Variants in AOAH observed in about 807,000 individuals in gnomAD.
The protein encoded by AOAH is acyloxyacyl hydrolase, also known as acyloxyacyl hydrolase (neutrophil).
Under a neutral mutation model 92.2 loss-of-function variants are expected in AOAH, and 64 were observed. That is an observed-to-expected ratio of 0.69 (90% CI 0.57 to 0.86). The LOEUF (loss-of-function observed/expected upper bound fraction) is 0.86, where lower values mean the gene tolerates loss of function less well. Among genes scored for constraint, AOAH ranks in the 40% least tolerant of loss-of-function variants. The pLI is 0.00. For missense variants in AOAH, 656 were observed against 694.6 expected (o/e 0.94, Z 0.62); for synonymous variants, 263 against 254.5 (o/e 1.03, Z -0.32).
intron 20 of AOAH, among the ~76,000 whole-genome samples, chr7:36,519,062 G>A (rs1783973867): frequency 6.6e-6 from 1 of 152,052 alleles, no homozygotes; most frequent in South Asian, 2.1e-4. Context: ...TCTCTGGACT[G>A]GTTCCCTACC....
intron 19 of AOAH, among the ~76,000 whole-genome samples, chr7:36,523,944 T>C (rs1468938259): frequency 2.0e-5 from 3 of 152,128 alleles, no homozygotes; most frequent in African/African-American, 7.2e-5. Flanking sequence ...TTATGGTCTT[T>C]GTCCCATCTC....
intron 4 of AOAH, among the ~76,000 whole-genome samples, chr7:36,648,038 G>A (rs1794337528): frequency 6.6e-6 from 1 of 151,984 alleles, no homozygotes; most frequent in African/African-American, 2.4e-5. Flanking sequence ...CACCATGTTG[G>A]CCAGGCTGGT....
At chr7:36,659,080 G>T in intron 4 of AOAH, 86 bp downstream of exon 4, 2 of 1,087,124 alleles carry the variant, frequency 1.8e-6, no homozygotes, top group Non-Finnish European at 2.9e-6. Context: ...AACACTGAGC[G>T]AGTAAAAGCT....
chr7:36,629,845 G>A (rs146480572), intron 6 of AOAH, among the ~76,000 whole-genome samples: 3 of 152,270 alleles, frequency 2.0e-5, no homozygotes, highest in Non-Finnish European at 2.9e-5. Context: ...GTTAGGGGTT[G>A]AATTGTGTTC....
At chr7:36,644,429 C>T (rs1373299993) in intron 4 of AOAH, among the ~76,000 whole-genome samples, 1 of 152,030 alleles carries the variant, frequency 6.6e-6, no homozygotes, top group Non-Finnish European at 1.5e-5. Flanking sequence ...GGCTTTGGGC[C>T]GCTTTGTGGG....
intron 1 of AOAH, among the ~76,000 whole-genome samples, chr7:36,717,294 CACA>C: frequency 6.6e-6 from 1 of 152,232 alleles, no homozygotes; most frequent in South Asian, 2.1e-4. Context: ...TCCCTCCAGT[CACA>C]ACAATACCCT....
At chr7:36,553,039 T>C (rs1361445313) in intron 13 of AOAH, among the ~76,000 whole-genome samples, 2 of 151,584 alleles carry the variant, frequency 1.3e-5, no homozygotes, top group African/African-American at 4.8e-5. Flanking sequence ...TACATATGTA[T>C]ACATCTGCCA....
intron 12 of AOAH, among the ~76,000 whole-genome samples, chr7:36,582,184 G>A (rs1788976663): frequency 6.6e-6 from 1 of 152,122 alleles, no homozygotes; most frequent in African/African-American, 2.4e-5. Context: ...GTTCCAGTGT[G>A]ATCTTTTATT....
chr7:36,587,579 G>T (rs963626220), intron 12 of AOAH, among the ~76,000 whole-genome samples: 1 of 151,976 alleles, frequency 6.6e-6, no homozygotes, highest in Non-Finnish European at 1.5e-5. Context: ...GAAAATATTG[G>T]TTCCTGAGTT....
chr7:36,587,262 A>T (rs1249384898), intron 12 of AOAH, among the ~76,000 whole-genome samples: 1 of 130,116 alleles, frequency 7.7e-6, no homozygotes, highest in Non-Finnish European at 1.6e-5. Context: ...ATAGAGAGAG[A>T]CTCCGTCTCA....
intron 3 of AOAH, among the ~76,000 whole-genome samples, chr7:36,661,947 C>T (rs1369676794): frequency 6.6e-6 from 1 of 152,198 alleles, no homozygotes; most frequent in Non-Finnish European, 1.5e-5. Context: ...CAGAAAAACA[C>T]TCTTGATTTT....
At chr7:36,579,632 T>C (rs1371356754) in intron 12 of AOAH, among the ~76,000 whole-genome samples, 1 of 152,072 alleles carries the variant, frequency 6.6e-6, no homozygotes, top group Admixed American at 6.6e-5. Context: ...ACTGAAGAAC[T>C]TGGAGTCTGA....
chr7:36,596,366 G>C (rs1790124266), intron 11 of AOAH, among the ~76,000 whole-genome samples: 1 of 152,110 alleles, frequency 6.6e-6, no homozygotes, highest in South Asian at 2.1e-4. Flanking sequence ...TTTCTTAATT[G>C]TGGACTGTTA....
rs1185966655 is a variant in AOAH at position 36,616,484 on chromosome 7, A to G, written c.752-10T>C. 1.2e-6 allele frequency: 2 copies of G among 1,611,910 alleles called. No homozygotes were observed. The highest frequency in any genetic ancestry group is 1.7e-6 in the Non-Finnish European group (2 of 1,178,198). On this transcript the variant is annotated splice_polypyrimidine_tract_variant and intron_variant, in intron 10 of 20. Transcript: ENST00000617537. Reference sequence around the variant, plus strand: ...CCCCTGGGCTGTGAACCTAGGCAGCACAATTTATTCACATTATTTATGCAC... The same window carrying G: ...CCCCTGGGCTGTGAACCTAGGCAGCGCAATTTATTCACATTATTTATGCAC...
intron 13 of AOAH, among the ~76,000 whole-genome samples, chr7:36,553,778 T>C (rs1786467844): frequency 6.6e-6 from 1 of 152,220 alleles, no homozygotes; most frequent in Admixed American, 6.5e-5. Context: ...TGCATAAGTG[T>C]CTTCTTTTGA....
chr7:36,682,800 G>A (rs2116738226), intron 2 of AOAH, among the ~76,000 whole-genome samples: 1 of 151,946 alleles, frequency 6.6e-6, no homozygotes, highest in South Asian at 2.1e-4. Flanking sequence ...AAAATTTTAA[G>A]ATAAAAATAA....
At chr7:36,599,182 G>A (rs544847481) in intron 11 of AOAH, among the ~76,000 whole-genome samples, 1 of 152,312 alleles carries the variant, frequency 6.6e-6, no homozygotes, top group South Asian at 2.1e-4. Flanking sequence ...ATGTGTGTGT[G>A]TATTTCCATG....
intron 3 of AOAH, among the ~76,000 whole-genome samples, chr7:36,661,936 A>C (rs1400607433): frequency 6.6e-6 from 1 of 152,216 alleles, no homozygotes; most frequent in African/African-American, 2.4e-5. Flanking sequence ...AGAAAACAAA[A>C]CAGAAAAACA....
At chr7:36,699,310 C>A (rs1797894687) in intron 1 of AOAH, among the ~76,000 whole-genome samples, 1 of 151,960 alleles carries the variant, frequency 6.6e-6, no homozygotes, top group South Asian at 2.1e-4. Context: ...TCTTTCTTTC[C>A]AATATAAATA....
Sources: gnomAD v4.1 joint callset for allele counts (sites outside exome capture counted in the v4.1 genomes callset) on GRCh38, gnomAD v4.1.1 for gene constraint, MANE v1.5 for transcripts, NCBI Gene and HGNC (gene_info 2026-07-23, HGNC 2026-07-21) for gene names.